Variants in INSL6 observed in about 807,000 individuals in gnomAD.
INSL6 encodes the protein insulin like 6.
Under a neutral mutation model 9.4 loss-of-function variants are expected in INSL6, and 16 were observed. The ratio of observed to expected loss-of-function variants is 1.70; its 90% CI spans 1.15 to 2.59. The LOEUF is 2.59. Ranked by LOEUF, INSL6 falls within the 30% of genes most tolerant of loss-of-function variation. The probability of loss-of-function intolerance (pLI) is 0.00; values close to 1 mark genes in which losing one functional copy is unlikely to be tolerated. For missense variants in INSL6, 391 were observed against 257.3 expected (o/e 1.52, Z -3.56); for synonymous variants, 154 against 96.9 (o/e 1.59, Z -3.46).
At chr9:5,145,258 AT>A (rs1158107041) in intron 2 of INSL6, among the ~76,000 whole-genome samples, 1 of 151,962 alleles carries the variant, frequency 6.6e-6, no homozygotes, top group African/African-American at 2.4e-5. Flanking sequence ...CTGGGTTGGA[AT>A]TTCTTAAGAA....
At chr9:5,018,471 G>A in the INSL6 span, among the ~76,000 whole-genome samples, 1 of 152,042 alleles carries the variant, frequency 6.6e-6, no homozygotes, top group Non-Finnish European at 1.5e-5. Flanking sequence ...CAGGTAGCTG[G>A]GACTACAGAA....
the INSL6 span, among the ~76,000 whole-genome samples, chr9:5,065,393 T>C: frequency 6.6e-6 from 1 of 152,212 alleles, no homozygotes; most frequent in Non-Finnish European, 1.5e-5. Context: ...AAATTCTTTA[T>C]GTTTGGATAG....
chr9:5,021,196 G>A, the INSL6 span, among the ~76,000 whole-genome samples: 1 of 152,070 alleles, frequency 6.6e-6, no homozygotes, highest in South Asian at 2.1e-4. Context: ...CTTGCATTAG[G>A]TGTTTTCTAT....
chr9:5,136,088 C>T (rs1586856025), intron 2 of INSL6, among the ~76,000 whole-genome samples: 1 of 151,966 alleles, frequency 6.6e-6, no homozygotes, highest in Non-Finnish European at 1.5e-5. Context: ...AAGTCAAATC[C>T]CTGAATAGAC....
chr9:5,105,676 T>C, the INSL6 span, among the ~76,000 whole-genome samples: 34 of 152,286 alleles, frequency 2.2e-4, no homozygotes, highest in African/African-American at 7.0e-4. Flanking sequence ...ACTACAAGGC[T>C]ACCGTAACCA....
intron 2 of INSL6, among the ~76,000 whole-genome samples, chr9:5,137,041 C>T (rs915584628): frequency 6.6e-6 from 1 of 151,608 alleles, no homozygotes; most frequent in Non-Finnish European, 1.5e-5. Flanking sequence ...AATAAAATAC[C>T]CAGGAATCCA....
At chr9:5,164,289 T>G in intron 1 of INSL6, 24 bp from the exon 2 acceptor site, 1 of 1,427,970 alleles carries the variant, frequency 7.0e-7, no homozygotes, top group Non-Finnish European at 9.7e-7. Flanking sequence ...AGAAAATAAA[T>G]GCTCCTTTAT....
chr9:5,139,123 A>G (rs1354391108), intron 2 of INSL6, among the ~76,000 whole-genome samples: 1 of 152,184 alleles, frequency 6.6e-6, no homozygotes, highest in Non-Finnish European at 1.5e-5. Flanking sequence ...AATAAAGGTC[A>G]TATCTTTGCT....
intron 1 of INSL6, among the ~76,000 whole-genome samples, chr9:5,174,942 C>T (rs202127889): frequency 1.5e-4 from 22 of 142,874 alleles, no homozygotes; most frequent in Admixed American, 8.4e-4. Context: ...TGGAGTCATT[C>T]TTTTTTTTTT....
chr9:5,060,562 A>G, the INSL6 span, among the ~76,000 whole-genome samples: 1 of 152,176 alleles, frequency 6.6e-6, no homozygotes, highest in Non-Finnish European at 1.5e-5. Context: ...TATCTGTCCA[A>G]ATTTTATCAT....
the INSL6 span, among the ~76,000 whole-genome samples, chr9:5,047,776 G>A: frequency 4.6e-5 from 7 of 151,690 alleles, no homozygotes; most frequent in Admixed American, 4.6e-4. Flanking sequence ...TTTTAGTTTT[G>A]GTTTTGTGGA....
At chr9:5,067,209 G>C in the INSL6 span, among the ~76,000 whole-genome samples, 3 of 151,924 alleles carry the variant, frequency 2.0e-5, no homozygotes, top group African/African-American at 7.2e-5. Flanking sequence ...GAGAAAACTA[G>C]GTCAATAACA....
At chr9:5,165,810 T>G (rs140632707) in intron 1 of INSL6, among the ~76,000 whole-genome samples, 1 of 152,362 alleles carries the variant, frequency 6.6e-6, no homozygotes, top group Admixed American at 6.5e-5. Context: ...TGAAGACTTA[T>G]TGTACTTCCA....
the INSL6 span, among the ~76,000 whole-genome samples, chr9:5,093,716 A>T: frequency 6.6e-6 from 1 of 152,190 alleles, no homozygotes; most frequent in Non-Finnish European, 1.5e-5. Flanking sequence ...TTTGATCAAC[A>T]GAACAAGTTA....
At chr9:5,087,342 C>T in the INSL6 span, among the ~76,000 whole-genome samples, 1 of 152,176 alleles carries the variant, frequency 6.6e-6, no homozygotes, top group Non-Finnish European at 1.5e-5. Context: ...TGAGAACTAT[C>T]ACGAGAACAG....
chr9:5,022,159 C>A, the INSL6 span: 2 of 1,614,126 alleles, frequency 1.2e-6, no homozygotes, highest in Non-Finnish European at 1.7e-6. Flanking sequence ...TCTGACCTTT[C>A]CATCTGGGGA....
chr9:5,131,881 A>G (rs1266280609), intron 3 of INSL6: 2 of 152,252 alleles, frequency 1.3e-5, no homozygotes, highest in African/African-American at 4.8e-5. Flanking sequence ...TTTAAAAATT[A>G]AAATAATAGT....
the INSL6 span, among the ~76,000 whole-genome samples, chr9:5,105,006 G>C: frequency 6.6e-6 from 1 of 152,192 alleles, no homozygotes; most frequent in Non-Finnish European, 1.5e-5. Context: ...CAAAAGACAA[G>C]GATGCCCTCT....
chr9:5,137,723 C>G (rs1490305124), intron 2 of INSL6, among the ~76,000 whole-genome samples: 5 of 152,006 alleles, frequency 3.3e-5, no homozygotes, highest in African/African-American at 1.2e-4. Context: ...GCAACAAAAG[C>G]CAAAATTGAC....
Sources: allele counts gnomAD v4.1 joint callset (sites outside exome capture counted in the v4.1 genomes callset), GRCh38; gene constraint gnomAD v4.1.1; transcripts MANE v1.5; gene names NCBI Gene and HGNC (gene_info 2026-07-23, HGNC 2026-07-21).